Variants in CFAP410 observed in about 807,000 individuals in gnomAD.
The protein encoded by CFAP410 is cilia- and flagella-associated protein 410.
In CFAP410, 27 loss-of-function variants were observed where a neutral mutation model predicts 25.7. That is an observed-to-expected ratio of 1.05 (90% confidence interval 0.77 to 1.45). CFAP410 has a LOEUF of 1.45. CFAP410 is among the 40% of genes most tolerant of loss of function. The pLI, the probability that CFAP410 is intolerant of heterozygous loss-of-function variation, is 0.00. For missense variants in CFAP410, 428 were observed against 354.1 expected (o/e 1.21, Z -1.67); for synonymous variants, 178 against 158.4 (o/e 1.12, Z -0.93).
rs1255770986 is a variant in CFAP410, at chr21:44,330,492, G to T, written c.643-166C>A. On this transcript the variant is annotated intron_variant, in intron 6 of 6. Transcript: ENST00000339818. ...ACACTCGGAGAATCTGAGCAGAGGA[G>T]CCCCGCCTGTGGACGCGTGTGTGGC... 8 of 1,542,650 alleles carry T rather than the reference G, an allele frequency of 5.2e-6. No homozygotes were observed. The East Asian group carries it at 1.5e-4, about 28-fold the overall frequency.
Position 44,339,223 on chromosome 21 carries a change from GC to G in CFAP410, c.-30del, listed in dbSNP as rs1232193986. ...GGCCGCCCAGGCCCGACCGGCGGGCGCCCCCGGCCTCCTGATCCCGGGCGGG... is the reference window on the plus strand; with the variant it reads ...GGCCGCCCAGGCCCGACCGGCGGGCGCCCCGGCCTCCTGATCCCGGGCGGG... On this transcript the variant is annotated 5_prime_UTR_variant, in exon 1 of 7. Coordinates refer to ENST00000339818, the MANE Select transcript of CFAP410 (RefSeq NM_004928.3). 18 of 1,388,042 alleles carry G rather than the reference GC, an allele frequency of 1.3e-5. No homozygotes were observed. Among genetic ancestry groups the G allele is most frequent in the South Asian group, 3.1e-5 (2 of 65,212 alleles). The allele number at this position is 1,388,042 out of a possible 1,614,324, so 86.0% of individuals were successfully genotyped here.
At chr21:44,331,111 G>A (rs1046188683) in intron 5 of CFAP410, 192 bp from the exon 6 acceptor site, 5 of 609,314 alleles carry the variant, frequency 8.2e-6, no homozygotes, top group Admixed American at 3.0e-5. Context: ...TGGAGAGCCC[G>A]GCACTTACTT....
At position 44,339,213 on chromosome 21, in the gene CFAP410, ACCGGC is replaced by A; in HGVS notation, c.-24_-20del. ...GCTTCATGGCGGCCGCCCAGGCCCG[ACCGGC>A]GGGCGCCCCCGGCCTCCTGATCCCG... is the stretch of plus-strand genomic sequence containing the variant. On this transcript the variant is annotated 5_prime_UTR_variant, in exon 1 of 7. Transcript: ENST00000339818. 7.0e-7 allele frequency: 1 copy of A among 1,422,000 alleles called. No individual in the cohort carries two copies. Among genetic ancestry groups the A allele is most frequent in the East Asian group, 3.1e-5 (1 of 32,524 alleles). 88.1% of individuals were successfully genotyped at this position (1,422,000 alleles called of 1,614,324 possible). A position where few individuals can be genotyped will look rare whatever the true frequency, so the allele number is the denominator to read the frequency against.
rs1388753608 is a variant in CFAP410 at position 44,329,013 on chromosome 21, A to C, written c.*1185T>G. On this transcript the variant is annotated 3_prime_UTR_variant, in exon 7 of 7. Coordinates refer to ENST00000339818, the MANE Select transcript of CFAP410 (RefSeq NM_004928.3). Reference sequence around the variant, plus strand: ...CCCAAGGAGGCAGACACAGGCCTGAACTGTCCACCCTCTATGTCCCGAGTG... The same window carrying C: ...CCCAAGGAGGCAGACACAGGCCTGACCTGTCCACCCTCTATGTCCCGAGTG... 6.5e-6 allele frequency: 1 copy of C among 152,694 alleles called. No homozygotes were observed. The highest frequency in any genetic ancestry group is 1.5e-5 in the Non-Finnish European group (1 of 68,420). 9.5% of individuals were successfully genotyped at this position (152,694 alleles called of 1,614,324 possible).
chr21:44,333,919 C>T (rs904699994), intron 3 of CFAP410: 2 of 360,162 alleles, frequency 5.6e-6, no homozygotes, highest in Non-Finnish European at 1.1e-5. Flanking sequence ...GCTGCACTCG[C>T]GTCCGGCAGG....
At position 44,331,943 on chromosome 21, in the gene CFAP410, CCT is replaced by C. The variant is rs756970705; in HGVS notation, c.443_444del (p.Glu148GlyfsTer21). On this transcript the variant is annotated frameshift_variant, in exon 5 of 7. Coordinates refer to ENST00000339818, the MANE Select transcript of CFAP410 (RefSeq NM_004928.3). LOFTEE classifies it high-confidence loss of function. ...AGCTTGGGGCCGCCGTGGCCTGTGC[CCT>C]CTCTCTCTGGGGCCGCAGTGATCTC... ...GEEITAAPER[E>X]GTGHGGPKLC... The C allele has an allele frequency of 2.5e-6, 4 of 1,613,238 alleles. No homozygotes were observed. The highest frequency in any genetic ancestry group is 1.3e-5 in the African/African-American group (1 of 75,018).
rs146136508 is a variant in CFAP410, at chr21:44,334,187, C to T, written c.144-925G>A. The T allele has an allele frequency of 5.5e-4, 251 of 456,336 alleles. 2 individuals carry two copies. Among genetic ancestry groups the T allele is most frequent in the African/African-American group, 4.0e-3 (199 of 50,210 alleles). The allele number at this position is 456,336 out of a possible 1,614,324, so 28.3% of individuals were successfully genotyped here. ...CCTGCTCCGCTCCAGTGCAGTCAGG[C>T]GTGCAGGCACCACGCACCTGAGCTC... On this transcript the variant is annotated intron_variant, in intron 3 of 6. Coordinates refer to ENST00000339818, the MANE Select transcript of CFAP410 (RefSeq NM_004928.3).
At position 44,333,106 on chromosome 21, in the gene CFAP410, G is replaced by GGGTTC. The variant is rs762116812; in HGVS notation, c.299_300insGAACC (p.Cys100TrpfsTer12). ...TGCGGTAGCGGTGGGGGCTGGTGCC[G>GGGTTC]CAGCACGGGTTCTCGGCCAGCCACA... On this transcript the variant is annotated frameshift_variant, in exon 4 of 7. Coordinates refer to ENST00000339818, the MANE Select transcript of CFAP410 (RefSeq NM_004928.3). LOFTEE classifies it high-confidence loss of function. 7 of 1,609,522 alleles carry GGGTTC rather than the reference G, an allele frequency of 4.3e-6. No individual in the cohort carries two copies. The highest frequency in any genetic ancestry group is 5.9e-6 in the Non-Finnish European group (7 of 1,178,662).
chr21:44,331,844 T>A lies in CFAP410; in HGVS notation c.544A>T (p.Thr182Ser), dbSNP rs767299159. 1 of 1,610,100 alleles carries A rather than the reference T, an allele frequency of 6.2e-7. No individual in the cohort carries two copies. Among genetic ancestry groups the A allele is most frequent in the South Asian group, 1.1e-5 (1 of 90,798 alleles). Reference protein sequence around the residue: ...RDPLDSEEEATSGAQDERGLK... With the variant: ...RDPLDSEEEASSGAQDERGLK... ...GTCCCCGCTGCCCTCCAGCCTCACG[T>A]TGCCTCCTCCTCGCTGTCCAGCGGG... The change falls in exon 5 of 7, where the codon ACC (threonine) becomes TCC (serine). Residue 182 changes from threonine (T) to serine (S), a missense_variant and splice_region_variant. Transcript: ENST00000339818.
intron 6 of CFAP410, 54 bp from the exon 7 acceptor site, chr21:44,330,380 C>T (rs1028702832): frequency 4.1e-5 from 65 of 1,583,262 alleles, no homozygotes; most frequent in Non-Finnish European, 5.5e-5. Flanking sequence ...GGCTGCTTCC[C>T]TCCACAAGGG....
chr21:44,332,020 G>A lies in CFAP410; in HGVS notation c.374-6C>T. The A allele has an allele frequency of 6.3e-7, 1 of 1,593,590 alleles. No homozygotes were observed. Among genetic ancestry groups the A allele is most frequent in the Non-Finnish European group, 8.6e-7 (1 of 1,168,510 alleles). ...CAGCTCCTCCTCCGTCACAGCTTTG[G>A]GATGAAAGACAGAAGACAGCATGAG... On this transcript the variant is annotated splice_polypyrimidine_tract_variant and splice_region_variant and intron_variant, in intron 4 of 6. Coordinates refer to ENST00000339818, the MANE Select transcript of CFAP410 (RefSeq NM_004928.3).
intron 3 of CFAP410, chr21:44,334,758 C>A: frequency 5.0e-6 from 1 of 198,804 alleles, no homozygotes; most frequent in South Asian, 8.0e-5. Context: ...ATTCATTCAG[C>A]AAGGCTCGGG....
At chr21:44,333,411 A>G in intron 3 of CFAP410, 149 bp from the exon 4 acceptor site, 1 of 657,084 alleles carries the variant, frequency 1.5e-6, no homozygotes, top group Non-Finnish European at 2.7e-6. Context: ...AGTCACGTGC[A>G]GCAGGACCTG....
chr21:44,330,183 G>A lies in CFAP410; in HGVS notation c.*15C>T, dbSNP rs530847500. The A allele has an allele frequency of 5.8e-6, 9 of 1,552,844 alleles. No homozygotes were observed. Among genetic ancestry groups the A allele is most frequent in the South Asian group, 3.5e-5 (3 of 85,160 alleles). Reference sequence around the variant, plus strand: ...GGGTCCCCGTGGAGGCTGGAGCGGCGTTCAGGTCCTGCGGTCACTCGGCGT... The same window carrying A: ...GGGTCCCCGTGGAGGCTGGAGCGGCATTCAGGTCCTGCGGTCACTCGGCGT... On this transcript the variant is annotated 3_prime_UTR_variant, in exon 7 of 7. Transcript: ENST00000339818.
At chr21:44,331,141 C>T (rs746042905) in intron 5 of CFAP410, 12 of 580,238 alleles carry the variant, frequency 2.1e-5, no homozygotes, top group South Asian at 6.6e-5. Context: ...GGCGCCCTCC[C>T]GGCACCCTGG....
intron 1 of CFAP410, among the ~76,000 whole-genome samples, chr21:44,337,973 G>T (rs114995914): frequency 6.6e-6 from 1 of 152,090 alleles, no homozygotes; most frequent in African/African-American, 2.4e-5. Context: ...GTAGCAGAAG[G>T]TTCATTTCTC....
At chr21:44,332,760 C>A (rs1002667456) in intron 4 of CFAP410, 37 of 525,678 alleles carry the variant, frequency 7.0e-5, no homozygotes, top group Non-Finnish European at 9.8e-5. Context: ...AAGAAGGAAC[C>A]CTTTTGCTTT....
chr21:44,339,321 G>A lies in CFAP410; in HGVS notation c.-127C>T. 1 of 506,766 alleles carries A rather than the reference G, an allele frequency of 2.0e-6. No homozygotes were observed. The highest frequency in any genetic ancestry group is 3.2e-6 in the Non-Finnish European group (1 of 310,698). 31.4% of individuals were successfully genotyped at this position (506,766 alleles called of 1,614,324 possible). A position where few individuals can be genotyped will look rare whatever the true frequency, so the allele number is the denominator to read the frequency against. ...AGGGGCGGATCCTGAGCCGATTGGC[G>A]GCTCGGTGAGGAGAGCGGGGCGACG... On this transcript the variant is annotated 5_prime_UTR_variant, in exon 1 of 7. Coordinates refer to ENST00000339818, the MANE Select transcript of CFAP410 (RefSeq NM_004928.3).
chr21:44,339,375 C>T lies in CFAP410; in HGVS notation c.-181G>A, dbSNP rs935874418. The T allele has an allele frequency of 2.4e-6, 1 of 424,036 alleles. No individual in the cohort carries two copies. 26.3% of individuals were successfully genotyped at this position (424,036 alleles called of 1,614,324 possible). On this transcript the variant is annotated 5_prime_UTR_variant, in exon 1 of 7. Transcript: ENST00000339818. ...GCCCGCTGGGGCCGCTTGGGCGCCG[C>T]TGACACGTTGGCTCTGCTCCTGCTC...
Sources: gnomAD v4.1 joint callset for allele counts (sites outside exome capture counted in the v4.1 genomes callset) on GRCh38, gnomAD v4.1.1 for gene constraint, MANE v1.5 for transcripts, NCBI Gene and HGNC (gene_info 2026-07-23, HGNC 2026-07-21) for gene names.